Variants in SLC8A1 observed in about 807,000 individuals in gnomAD.
SLC8A1 encodes the protein solute carrier family 8 member A1.
SLC8A1 carries 18 observed loss-of-function variants against 68.3 expected under a neutral mutation model. The ratio of observed to expected loss-of-function variants is 0.26; its 90% CI spans 0.18 to 0.39. SLC8A1 has a LOEUF of 0.39. Ranked by LOEUF, SLC8A1 falls within the 10% of genes least tolerant of loss-of-function variation. SLC8A1 has a pLI of 1.00. For synonymous variants in SLC8A1, 475 were observed against 415.5 expected, an observed-to-expected ratio of 1.14 and a Z score of -1.74; for missense variants, 985 against 1,156.7, an observed-to-expected ratio of 0.85 and a Z score of 2.15.
intron 4 of SLC8A1, among the ~76,000 whole-genome samples, chr2:40,172,613 G>C (rs2047697099): frequency 6.6e-6 from 1 of 152,092 alleles, no homozygotes; most frequent in South Asian, 2.1e-4. Context: ...TATTAAAAGG[G>C]AGGACAGTTC....
chr2:40,190,232 G>T (rs1422268012), intron 2 of SLC8A1, among the ~76,000 whole-genome samples: 1 of 152,118 alleles, frequency 6.6e-6, no homozygotes, highest in Non-Finnish European at 1.5e-5. Flanking sequence ...CTCAACTTCA[G>T]CCCTCATCTT....
At chr2:40,509,732 A>G (rs1365997449) in intron 1 of SLC8A1, among the ~76,000 whole-genome samples, 1 of 152,020 alleles carries the variant, frequency 6.6e-6, no homozygotes, top group African/African-American at 2.4e-5. Flanking sequence ...ATTTGGAATT[A>G]TTTCAAATTT....
At chr2:40,338,044 A>T (rs1465359402) in intron 2 of SLC8A1, among the ~76,000 whole-genome samples, 1 of 152,022 alleles carries the variant, frequency 6.6e-6, no homozygotes, top group African/African-American at 2.4e-5. Flanking sequence ...GGAAATAATG[A>T]GGGTCTGAAA....
Position 40,414,167 on chromosome 2 carries a change from C to G in SLC8A1, c.1808+14306G>C, listed in dbSNP as rs148201740. On this transcript the variant is annotated intron_variant, in intron 2 of 7. Coordinates refer to ENST00000406785, the Ensembl canonical transcript of SLC8A1. ...AACATGAATCAAAGTCATTACAGAG[C>G]TAATGAGTGAAATTGTATTATTTGC... is the stretch of plus-strand genomic sequence containing the variant. Among the ~76,000 whole-genome samples, 321 of 152,234 alleles carry G rather than the reference C, an allele frequency of 2.1e-3. 6 individuals are homozygous for G. Among genetic ancestry groups the G allele is most frequent in the Non-Finnish European group, 3.4e-4 (23 of 68,008 alleles).
exon 2 of SLC8A1, chr2:40,428,718 G>C (rs199581012): frequency 1.2e-6 from 2 of 1,613,772 alleles, no homozygotes; most frequent in Non-Finnish European, 1.7e-6. Context: ...AGGGAGATCC[G>C]AGGCAAGCAA....
At chr2:40,453,400 C>T (rs1576599497), upstream of SLC8A1, 1 of 152,132 alleles carries the variant, frequency 6.6e-6, no homozygotes, top group East Asian at 1.9e-4. Context: ...GACGTCCCCC[C>T]ATACTTACAG....
chr2:40,400,107 C>T (rs1688254479), intron 2 of SLC8A1, among the ~76,000 whole-genome samples: 1 of 152,180 alleles, frequency 6.6e-6, no homozygotes, highest in Non-Finnish European at 1.5e-5. Flanking sequence ...CTCGCGTGCA[C>T]CCCCTTAGAG....
rs2047119612 is a variant in SLC8A1 at position 40,169,671 on chromosome 2, T to A, written c.1931-4687A>T. Among the ~76,000 whole-genome samples, 3 of 152,154 alleles carry A rather than the reference T, an allele frequency of 2.0e-5. No individual in the cohort carries two copies. The South Asian group carries it at 6.2e-4, about 31-fold the overall frequency. On this transcript the variant is annotated intron_variant, in intron 4 of 7. Transcript: ENST00000406785. ...AAAGAAACTTCATGGTTGGGCACCA[T>A]GACTCATTCTGGTAATCCTAACACT...
At chr2:40,407,624 C>A (rs1690781096) in intron 2 of SLC8A1, among the ~76,000 whole-genome samples, 1 of 152,320 alleles carries the variant, frequency 6.6e-6, no homozygotes, top group Non-Finnish European at 1.5e-5. Context: ...TATTGGAGCT[C>A]CCACAGCTCT....
intron 2 of SLC8A1, chr2:40,208,559 C>T (rs558538531): frequency 6.6e-6 from 1 of 152,112 alleles, no homozygotes; most frequent in East Asian, 1.9e-4. Context: ...TTTTTCTAGG[C>T]ATCGTCCAGA....
intron 2 of SLC8A1, among the ~76,000 whole-genome samples, chr2:40,225,085 A>T (rs2058802046): frequency 6.6e-6 from 1 of 152,142 alleles, no homozygotes; most frequent in Non-Finnish European, 1.5e-5. Context: ...TTAGGTTTTG[A>T]GTAGGTAACT....
chr2:40,279,832 A>C (rs2067254258), intron 2 of SLC8A1, among the ~76,000 whole-genome samples: 1 of 152,108 alleles, frequency 6.6e-6, no homozygotes, highest in Non-Finnish European at 1.5e-5. Context: ...GTTCACTAAA[A>C]ATCTGTAGCT....
At chr2:40,247,740 A>C (rs2062085242) in intron 2 of SLC8A1, among the ~76,000 whole-genome samples, 2 of 152,242 alleles carry the variant, frequency 1.3e-5, no homozygotes, top group African/African-American at 4.8e-5. Context: ...TACAAGAGGA[A>C]AGGGACTTAG....
chr2:40,266,982 G>T lies in SLC8A1; in HGVS notation c.1809-89127C>A, dbSNP rs954300864. ...AGAACTGGATGTACAGGTAAATGAG[G>T]GGGTGAGGGCTTTCCCTCCTGTTTG... On this transcript the variant is annotated intron_variant, in intron 2 of 7. Coordinates refer to ENST00000406785, the Ensembl canonical transcript of SLC8A1. Among the ~76,000 whole-genome samples, 13 of 152,142 alleles carry T rather than the reference G, an allele frequency of 8.5e-5. No individual in the cohort carries two copies. The South Asian group carries it at 2.1e-3, about 24-fold the overall frequency.
At chr2:40,388,435 A>G (rs1032120968) in intron 2 of SLC8A1, among the ~76,000 whole-genome samples, 13 of 152,168 alleles carry the variant, frequency 8.5e-5, no homozygotes, top group Non-Finnish European at 1.5e-5. Context: ...AATGATAGAG[A>G]AAATACTGAA....
exon 8 of SLC8A1, chr2:40,112,848 G>T (rs950421012): frequency 6.6e-6 from 1 of 152,238 alleles, no homozygotes; most frequent in Admixed American, 6.5e-5. Flanking sequence ...TCTGCAAGTC[G>T]GTCAAAGATA....
In SLC8A1 at chr2:40,147,163, C is replaced by A. The variant is rs72935277; in HGVS notation, c.2162-7487G>T. On this transcript the variant is annotated intron_variant, in intron 6 of 7. Coordinates refer to ENST00000406785, the Ensembl canonical transcript of SLC8A1. The stretch of plus-strand genomic sequence containing the variant: ...TTCACTAAGGAGTTCTAGCTCCATG[C>A]AAGTTCGATTATTACCAAAACAAAT... Among the ~76,000 whole-genome samples, 861 of 152,232 alleles carry A rather than the reference C, an allele frequency of 5.7e-3. 8 individuals carry two copies. The highest frequency in any genetic ancestry group is 0.02 in the African/African-American group (825 of 41,538).
At chr2:40,394,622 A>G (rs1686345266) in intron 2 of SLC8A1, among the ~76,000 whole-genome samples, 1 of 151,908 alleles carries the variant, frequency 6.6e-6, no homozygotes, top group Non-Finnish European at 1.5e-5. Context: ...AAGTTTGTGA[A>G]CCTATTTCTG....
intron 2 of SLC8A1, among the ~76,000 whole-genome samples, chr2:40,407,570 C>T (rs992318571): frequency 3.3e-5 from 5 of 152,156 alleles, no homozygotes; most frequent in African/African-American, 1.2e-4. Context: ...GCCTTTCCTT[C>T]CACACCAACA....
Sources: allele counts gnomAD v4.1 joint callset (sites outside exome capture counted in the v4.1 genomes callset), GRCh38; gene constraint gnomAD v4.1.1; transcripts MANE v1.5; gene names NCBI Gene and HGNC (gene_info 2026-07-23, HGNC 2026-07-21).